TENM4: variants seen among roughly 807,000 people sequenced by gnomAD.
TENM4 encodes the protein teneurin-4.
A neutral mutation model predicts 243.3 loss-of-function variants in TENM4; 82 were observed. The ratio of observed to expected loss-of-function variants is 0.34; its 90% CI spans 0.28 to 0.40. The LOEUF is 0.40. TENM4 is among the 10% of genes least tolerant of loss of function. The probability of loss-of-function intolerance (pLI) is 1.00; values close to 1 mark genes in which losing one functional copy is unlikely to be tolerated. For synonymous variants in TENM4, 1,412 were observed against 1,456.3 expected (o/e 0.97, Z 0.69); for missense variants, 3,138 against 3,673.3 (o/e 0.85, Z 3.77).
At chr11:79,244,350 C>A (rs902843526) in intron 2 of TENM4, among the ~76,000 whole-genome samples, 4 of 152,116 alleles carry the variant, frequency 2.6e-5, no homozygotes, top group South Asian at 4.1e-4. Flanking sequence ...GGGCCTTGTT[C>A]TTGAGAGGGT....
At position 78,763,359 on chromosome 11, in the gene TENM4, G is replaced by A. The variant is rs115430477; in HGVS notation, c.2540-6338C>T. On this transcript the variant is annotated intron_variant, in intron 18 of 33. Coordinates refer to ENST00000278550, the MANE Select transcript of TENM4 (RefSeq NM_001098816.3). ...ATGCTGCACTCGAGTGGCCCCTGAT[G>A]GGGAGTGGAGGGCAAAGAAAAGGGG... Among the ~76,000 whole-genome samples the A allele has an allele frequency of 3.8e-3, 581 of 152,290 alleles. 2 individuals carry two copies. The highest frequency in any genetic ancestry group is 0.013 in the African/African-American group (549 of 41,552).
At chr11:78,982,015 C>T (rs575103069) in intron 6 of TENM4, among the ~76,000 whole-genome samples, 2 of 152,240 alleles carry the variant, frequency 1.3e-5, no homozygotes, top group South Asian at 4.1e-4. Context: ...AAAGGAATCA[C>T]ACCTGCAAGA....
intron 20 of TENM4, among the ~76,000 whole-genome samples, chr11:78,736,479 T>TGTGC (rs796898751): frequency 0.021 from 2,085 of 99,300 alleles, 46 homozygotes; most frequent in African/African-American, 0.055. Flanking sequence ...TGTGTGTGTG[T>TGTGC]GCGCGCGCGT....
intron 9 of TENM4, among the ~76,000 whole-genome samples, chr11:78,877,868 C>T (rs915427550): frequency 3.3e-5 from 5 of 152,124 alleles, no homozygotes; most frequent in Admixed American, 2.6e-4. Context: ...GAACTAGGTG[C>T]CTGAGAATCA....
Position 78,855,995 on chromosome 11 carries a change from C to T in TENM4, c.1439G>A (p.Gly480Asp). 6.4e-7 allele frequency: 1 copy of T among 1,551,648 alleles called. No individual in the cohort carries two copies. Among genetic ancestry groups the T allele is most frequent in the Non-Finnish European group, 8.7e-7 (1 of 1,146,984 alleles). Residue 480 changes from glycine to aspartate, a missense_variant, in exon 11 of 34, where the codon GGC becomes GAC. By Grantham distance (94) the Gly-to-Asp change is moderately conservative. This residue lies in a region of TENM4 where 2,467 missense variants were observed against 3,059.1 expected (regional missense o/e 0.81). Transcript: ENST00000278550. The part of the protein sequence containing the change: ...LGKAALVGIY[G>D]RKGLPPSHTQ... ...ATGTGAAGGAGGGAGGCCTTTTCTG[C>T]CATAAATGCCAACCAGGGCTGCCTT...
intron 9 of TENM4, among the ~76,000 whole-genome samples, chr11:78,879,661 C>A (rs1303883093): frequency 6.8e-6 from 1 of 146,702 alleles, no homozygotes; most frequent in African/African-American, 2.5e-5. Context: ...GCCGCCACAC[C>A]GTCTGGGAGG....
intron 3 of TENM4, among the ~76,000 whole-genome samples, chr11:79,188,758 G>T (rs78847470): frequency 0.03 from 4,495 of 152,024 alleles, 247 homozygotes; most frequent in African/African-American, 0.1. Context: ...AGGGGCTGGG[G>T]TCTGTCCACA....
intron 1 of TENM4, among the ~76,000 whole-genome samples, chr11:79,380,046 G>T (rs886671509): frequency 5.3e-5 from 8 of 152,156 alleles, no homozygotes; most frequent in Non-Finnish European, 8.8e-5. Flanking sequence ...TGAGGGCAGG[G>T]CTGGTGGGGC....
At position 79,040,720 on chromosome 11, in the gene TENM4, G is replaced by A. The variant is rs568828214; in HGVS notation, c.493+24018C>T. Among the ~76,000 whole-genome samples the A allele has an allele frequency of 3.3e-5, 5 of 152,170 alleles. No individual in the cohort carries two copies. In the South Asian group the frequency reaches 1.0e-3, roughly 32 times the overall value. On this transcript the variant is annotated intron_variant, in intron 6 of 33. Transcript: ENST00000278550. ...TTGCCAAGCTCAAGGCAAGTCACATGGTGTTCAGGCCTCTTTACTCCCCCT... is the reference window on the plus strand; with the variant it reads ...TTGCCAAGCTCAAGGCAAGTCACATAGTGTTCAGGCCTCTTTACTCCCCCT...
intron 6 of TENM4, among the ~76,000 whole-genome samples, chr11:78,984,359 T>C (rs886353568): frequency 6.6e-6 from 1 of 152,010 alleles, no homozygotes; most frequent in African/African-American, 2.4e-5. Flanking sequence ...CCCTCGAGAG[T>C]TCTTGAAAGG....
At chr11:79,353,770 A>G (rs1474188930) in intron 1 of TENM4, among the ~76,000 whole-genome samples, 1 of 151,564 alleles carries the variant, frequency 6.6e-6, no homozygotes, top group Non-Finnish European at 1.5e-5. Flanking sequence ...AAAAAAAAAA[A>G]GAGGGTTTAC....
At chr11:79,113,707 G>C (rs368595323) in intron 4 of TENM4, among the ~76,000 whole-genome samples, 2 of 152,132 alleles carry the variant, frequency 1.3e-5, no homozygotes, top group South Asian at 2.1e-4. Context: ...GTGTGTGGTG[G>C]ACATTGGGAA....
At chr11:78,902,826 G>A (rs1173347224) in intron 7 of TENM4, among the ~76,000 whole-genome samples, 2 of 152,172 alleles carry the variant, frequency 1.3e-5, no homozygotes, top group African/African-American at 4.8e-5. Flanking sequence ...CTGACACTAG[G>A]CATTGGGTGG....
intron 12 of TENM4, among the ~76,000 whole-genome samples, chr11:78,850,508 C>T (rs892281812): frequency 1.3e-5 from 2 of 152,192 alleles, no homozygotes; most frequent in Non-Finnish European, 2.9e-5. Context: ...CAAATTACTA[C>T]TCATAGCTCA....
chr11:78,856,085 G>C lies in TENM4; in HGVS notation c.1349C>G (p.Thr450Ser). 6.4e-7 allele frequency: 1 copy of C among 1,551,720 alleles called. No individual in the cohort carries two copies. The highest frequency in any genetic ancestry group is 8.7e-7 in the Non-Finnish European group (1 of 1,146,992). The change falls in exon 11 of 34, where the codon ACT (threonine) becomes AGT (serine). Residue 450 changes from threonine to serine, a missense_variant. Around this residue, in one of 2 missense-constraint regions of TENM4, gnomAD observed 2,467 missense variants for 3,059.1 expected, o/e 0.81. Coordinates refer to ENST00000278550, the MANE Select transcript of TENM4 (RefSeq NM_001098816.3). The stretch of plus-strand genomic sequence containing the variant: ...TATGAACACTTGAGATCTCCAGAAA[G>C]TGCCAGGAGGAATCTTCTGGGAAGC... ...RRASQKIPPG[T>S]FWRSQVFIDH...
chr11:79,280,296 A>G (rs895411540), intron 2 of TENM4, among the ~76,000 whole-genome samples: 2 of 152,090 alleles, frequency 1.3e-5, no homozygotes, highest in African/African-American at 4.8e-5. Flanking sequence ...CAAAAGGCCT[A>G]CCTTCCTCCT....
chr11:78,989,047 A>C (rs754701389), intron 6 of TENM4, among the ~76,000 whole-genome samples: 32 of 152,214 alleles, frequency 2.1e-4, no homozygotes, highest in Middle Eastern at 3.2e-3. Context: ...GCCACTGCAC[A>C]CTTTAGCTGG....
At chr11:79,150,149 T>C (rs1862475842) in intron 3 of TENM4, among the ~76,000 whole-genome samples, 1 of 152,146 alleles carries the variant, frequency 6.6e-6, no homozygotes. Context: ...AGCCTTCTTA[T>C]CATCTTTCAA....
At chr11:78,713,032 C>A (rs888402058) in intron 25 of TENM4, among the ~76,000 whole-genome samples, 1 of 152,202 alleles carries the variant, frequency 6.6e-6, no homozygotes, top group African/African-American at 2.4e-5. Flanking sequence ...GCTAAATACA[C>A]GTTTTCTTAA....
Sources: allele counts gnomAD v4.1 joint callset (sites outside exome capture counted in the v4.1 genomes callset), GRCh38; gene constraint gnomAD v4.1.1; regional missense constraint gnomAD v4.1.1; transcripts MANE v1.5; gene names NCBI Gene and HGNC (gene_info 2026-07-23, HGNC 2026-07-21).